ORC4: variants seen among roughly 807,000 people sequenced by gnomAD.
The protein encoded by ORC4 is origin recognition complex, subunit 4 homolog.
In ORC4, 55 loss-of-function variants were observed where a neutral mutation model predicts 63.9. The observed-to-expected ratio is 0.86, with a 90% confidence interval of 0.69 to 1.08. The LOEUF is 1.08. Among genes scored for constraint, ORC4 ranks in the 50% least tolerant of loss-of-function variants. The pLI is 0.00. For missense variants in ORC4, 511 were observed against 504.4 expected (o/e 1.01, Z -0.13); for synonymous variants, 150 against 168.5 (o/e 0.89, Z 0.85).
rs376735451 is a variant in ORC4, at chr2:147,995,948, C to T, written c.-17-19973G>A. ...CCAGGAGGCAGAGGTTGCAGTGAGC[C>T]GAGATCACGCCATTGCACTCCAGCC... On this transcript the variant is annotated intron_variant, in intron 1 of 13. Coordinates refer to ENST00000392857, the MANE Select transcript of ORC4 (RefSeq NM_181741.4). Among the ~76,000 whole-genome samples the T allele has an allele frequency of 2.7e-3, 412 of 151,058 alleles. 1 individual carries two copies. The highest frequency in any genetic ancestry group is 9.1e-3 in the African/African-American group (376 of 41,100).
chr2:147,992,640 C>T (rs1280114602), intron 1 of ORC4, among the ~76,000 whole-genome samples: 1 of 152,146 alleles, frequency 6.6e-6, no homozygotes, highest in African/African-American at 2.4e-5. Context: ...GTCCACTATT[C>T]AAATAAATTT....
chr2:148,015,814 C>T lies in ORC4; in HGVS notation c.-18+4819G>A, dbSNP rs559725692. Among the ~76,000 whole-genome samples, 3 of 152,178 alleles carry T rather than the reference C, an allele frequency of 2.0e-5. No homozygotes were observed. In the East Asian group the frequency reaches 5.8e-4, roughly 29 times the overall value. On this transcript the variant is annotated intron_variant, in intron 1 of 13. Transcript: ENST00000392857. ...GTCGTAAAACAGCAGAGACAACTTG[C>T]AATATCAACAATGCATTTGGCCCAG...
At chr2:147,947,962 G>C (rs1037516172) in intron 9 of ORC4, 89 bp downstream of exon 9, 19 of 998,470 alleles carry the variant, frequency 1.9e-5, no homozygotes, top group Non-Finnish European at 2.9e-5. Context: ...TAGAAACTTT[G>C]TGTTAATTTA....
chr2:147,999,555 A>G (rs541306275), intron 1 of ORC4, among the ~76,000 whole-genome samples: 2 of 152,298 alleles, frequency 1.3e-5, no homozygotes, highest in East Asian at 3.9e-4. Flanking sequence ...TGGCAATCAA[A>G]TAAGTCTCTA....
Position 147,931,104 on chromosome 2 carries a change from G to GTGTT in ORC4, c.*4402_*4405dup, listed in dbSNP as rs1228291213. On this transcript the variant is annotated 3_prime_UTR_variant, in exon 14 of 14. Transcript: ENST00000392857. ...TCCCACCTATGAGTGAGAATATGCGGTGTTTGGTTTTTTGTTCTTGTGATA... is the reference window on the plus strand; with the variant it reads ...TCCCACCTATGAGTGAGAATATGCGGTGTTTGTTTGGTTTTTTGTTCTTGTGATA... 12 of 148,116 alleles carry GTGTT rather than the reference G, an allele frequency of 8.1e-5. No individual in the cohort carries two copies. The South Asian group carries it at 1.3e-3, about 16-fold the overall frequency. 9.2% of individuals were successfully genotyped at this position (148,116 alleles called of 1,614,324 possible).
chr2:147,980,044 C>T (rs116743801), intron 1 of ORC4, among the ~76,000 whole-genome samples: 1 of 151,996 alleles, frequency 6.6e-6, no homozygotes, highest in Non-Finnish European at 1.5e-5. Flanking sequence ...AAAGCAGAAG[C>T]AAGAATAATG....
chr2:147,978,974 G>A (rs1213325520), intron 1 of ORC4, among the ~76,000 whole-genome samples: 1 of 151,954 alleles, frequency 6.6e-6, no homozygotes, highest in Non-Finnish European at 1.5e-5. Flanking sequence ...CACAATAAAG[G>A]CCATATATAA....
In ORC4 at chr2:147,938,298, C is replaced by T. The variant is rs201791438; in HGVS notation, c.1054G>A (p.Glu352Lys). 7.1e-5 allele frequency: 113 copies of T among 1,597,722 alleles called. No homozygotes were observed. The highest frequency in any genetic ancestry group is 8.4e-5 in the Non-Finnish European group (98 of 1,165,826). Residue 352 changes from glutamate to lysine, a missense_variant and splice_region_variant, in exon 12 of 14, where the codon GAG (glutamate) becomes AAG (lysine). Coordinates refer to ENST00000392857, the MANE Select transcript of ORC4 (RefSeq NM_181741.4). Reference sequence around the variant, plus strand: ...AAAAGCTACTTAAGTCTCATCTCACCATTATAGACCATTTGAAAATTAAAT... The same window carrying T: ...AAAAGCTACTTAAGTCTCATCTCACTATTATAGACCATTTGAAAATTAAAT... ...EPFNFQMVYN[E>K]FQKFVQRKAH...
intron 1 of ORC4, among the ~76,000 whole-genome samples, chr2:148,015,437 T>A (rs951620041): frequency 7.9e-5 from 12 of 150,996 alleles, no homozygotes; most frequent in Admixed American, 4.0e-4. Context: ...GCCTCAGCCT[T>A]CTGAGTAGCT....
chr2:148,003,051 A>T (rs1260354184), intron 1 of ORC4, among the ~76,000 whole-genome samples: 2 of 152,222 alleles, frequency 1.3e-5, no homozygotes, highest in Non-Finnish European at 2.9e-5. Flanking sequence ...CCATCCCAAG[A>T]CTAAACCAGG....
intron 8 of ORC4, among the ~76,000 whole-genome samples, chr2:147,950,926 C>G (rs1688924452): frequency 6.6e-6 from 1 of 151,014 alleles, no homozygotes; most frequent in Non-Finnish European, 1.5e-5. Flanking sequence ...ACCACAGCCA[C>G]TTCCACCCAA....
At chr2:147,957,298 TAAAG>T (rs557594808) in intron 6 of ORC4, among the ~76,000 whole-genome samples, 2 of 149,770 alleles carry the variant, frequency 1.3e-5, no homozygotes, top group South Asian at 4.2e-4. Flanking sequence ...GATTGATTAT[TAAAG>T]AAAGAAACTC....
intron 1 of ORC4, among the ~76,000 whole-genome samples, chr2:147,987,267 C>T (rs1188167117): frequency 6.6e-6 from 1 of 150,572 alleles, no homozygotes; most frequent in African/African-American, 2.4e-5. Flanking sequence ...AAAAATGTGG[C>T]CTGCCTACAC....
At chr2:147,975,503 A>G (rs1690495504) in intron 2 of ORC4, among the ~76,000 whole-genome samples, 1 of 24,954 alleles carries the variant, frequency 4.0e-5, no homozygotes, top group Non-Finnish European at 7.0e-5. Flanking sequence ...AGGCAAGAAA[A>G]GGGAAAAAAA....
In ORC4 at chr2:147,935,281, T is replaced by C. The variant is rs553809440; in HGVS notation, c.*229A>G. On this transcript the variant is annotated 3_prime_UTR_variant, in exon 14 of 14. Coordinates refer to ENST00000392857, the MANE Select transcript of ORC4 (RefSeq NM_181741.4). ...GGTCTAGTCCCTAAAACAGTCATAT[T>C]TTATTCTTCTGAACAGCTACTTACA... is the stretch of plus-strand genomic sequence containing the variant. The C allele has an allele frequency of 1.6e-4, 87 of 542,654 alleles. 1 individual carries two copies. In the South Asian group the frequency reaches 1.6e-3, roughly 10 times the overall value. 33.6% of individuals were successfully genotyped at this position (542,654 alleles called of 1,614,324 possible). A position where few individuals can be genotyped will look rare whatever the true frequency, so the allele number is the denominator to read the frequency against.
chr2:147,982,393 G>A (rs759980086), intron 1 of ORC4, among the ~76,000 whole-genome samples: 4 of 152,144 alleles, frequency 2.6e-5, no homozygotes, highest in South Asian at 2.1e-4. Context: ...GTAAAAAGGA[G>A]AAAGGGCTTT....
chr2:147,939,788 T>C (rs1688260650), intron 10 of ORC4, among the ~76,000 whole-genome samples: 1 of 152,142 alleles, frequency 6.6e-6, no homozygotes, highest in Non-Finnish European at 1.5e-5. Flanking sequence ...TGCTTCTCTG[T>C]TCAAAAATGA....
chr2:147,971,795 T>G (rs532078565), intron 4 of ORC4, among the ~76,000 whole-genome samples: 1 of 151,996 alleles, frequency 6.6e-6, no homozygotes, highest in South Asian at 2.1e-4. Flanking sequence ...AAAAAATTAC[T>G]GCAAATATGA....
At chr2:148,006,666 C>A (rs377157795) in intron 1 of ORC4, among the ~76,000 whole-genome samples, 80 of 152,256 alleles carry the variant, frequency 5.3e-4, no homozygotes, top group Non-Finnish European at 9.0e-4. Flanking sequence ...TATAGATTGA[C>A]CCTAGGCAGG....
Sources: allele counts gnomAD v4.1 joint callset (sites outside exome capture counted in the v4.1 genomes callset), GRCh38; gene constraint gnomAD v4.1.1; transcripts MANE v1.5; gene names NCBI Gene and HGNC (gene_info 2026-07-23, HGNC 2026-07-21).